The following SYTL5 variants were observed in gnomAD, a reference collection of about 807,000 sequenced individuals.
SYTL5 encodes synaptotagmin-like protein 5.
In SYTL5, 34 loss-of-function variants were observed where a neutral mutation model predicts 55.9. That is an observed-to-expected ratio of 0.61 (90% CI 0.46 to 0.81). The LOEUF (loss-of-function observed/expected upper bound fraction) is 0.81. SYTL5 is among the 30% of genes least tolerant of loss of function. The probability of loss-of-function intolerance (pLI) is 0.00; values close to 1 mark genes in which losing one functional copy is unlikely to be tolerated. For missense variants in SYTL5, 637 were observed against 546.7 expected (o/e 1.17, Z -1.65); for synonymous variants, 221 against 188.7 (o/e 1.17, Z -1.40).
chrX:38,096,307 C>T, intron 9 of SYTL5, 73 bp downstream of exon 9: 1 of 583,159 alleles, frequency 1.7e-6, no homozygotes, highest in Non-Finnish European at 2.8e-6. Context: ...AGTGGTTTCA[C>T]TTTTAGGTGA....
intron 1 of SYTL5, among the ~76,000 whole-genome samples, chrX:38,010,436 G>A (rs1286661405): frequency 1.6e-4 from 18 of 111,909 alleles, no homozygotes. Flanking sequence ...GCCATTTGGG[G>A]CAGAACTGAG....
chrX:38,125,577 T>A, intron 16 of SYTL5, 71 bp downstream of exon 16: 1 of 762,141 alleles, frequency 1.3e-6, no homozygotes, highest in Non-Finnish European at 2.0e-6. Flanking sequence ...CTTGCAGATG[T>A]GATGTGCAGT....
chrX:37,990,806 G>A, the SYTL5 span: 1 of 1,161,991 alleles, frequency 8.6e-7, no homozygotes, highest in South Asian at 2.0e-5. Flanking sequence ...AGAGAATCAA[G>A]CAGAGCTGAT....
intron 2 of SYTL5, among the ~76,000 whole-genome samples, chrX:38,046,532 G>A (rs776071736): frequency 3.8e-4 from 42 of 111,474 alleles, no homozygotes; most frequent in Non-Finnish European, 7.0e-4. Context: ...TTTCCCACCA[G>A]GTCCCTCCCA....
chrX:38,078,451 G>T (rs1936444408), intron 6 of SYTL5, among the ~76,000 whole-genome samples: 1 of 109,865 alleles, frequency 9.1e-6, no homozygotes, highest in South Asian at 4.0e-4. Context: ...TAGTAGAGAC[G>T]GAGTTTCACC....
At chrX:38,033,233 A>G (rs942841144) in intron 1 of SYTL5, among the ~76,000 whole-genome samples, 5 of 111,167 alleles carry the variant, frequency 4.5e-5, no homozygotes, top group African/African-American at 1.6e-4. Context: ...CAAAGTGGTG[A>G]CCCAATTCAC....
chrX:38,074,448 A>T lies in SYTL5; in HGVS notation c.554+750A>T, dbSNP rs73467415. 2.2e-3 allele frequency among the ~76,000 whole-genome samples: 242 copies of T among 111,084 alleles called. 1 individual carries two copies. The highest frequency in any genetic ancestry group is 7.7e-3 in the African/African-American group (235 of 30,526). On this transcript the variant is annotated intron_variant, in intron 5 of 16. Coordinates refer to ENST00000297875, the MANE Select transcript of SYTL5 (RefSeq NM_138780.3). ...TTTATTATTATTGAGATGGGGTCTC[A>T]TTATGTTGCCTGAGCTGGCCTTGAA...
At chrX:37,988,468 T>C in the SYTL5 span, among the ~76,000 whole-genome samples, 1 of 112,574 alleles carries the variant, frequency 8.9e-6, no homozygotes, top group Non-Finnish European at 1.9e-5. Context: ...GTTTGGTCCC[T>C]GGAAGTGGGT....
chrX:37,960,568 A>G, the SYTL5 span, among the ~76,000 whole-genome samples: 1 of 110,875 alleles, frequency 9.0e-6, no homozygotes, highest in Non-Finnish European at 1.9e-5. Context: ...CTTTAGTTCC[A>G]TATGATACCT....
At chrX:37,988,874 AT>A in the SYTL5 span, among the ~76,000 whole-genome samples, 5 of 112,206 alleles carry the variant, frequency 4.5e-5, no homozygotes, top group Admixed American at 4.7e-4. Context: ...GAACTTGAAT[AT>A]TTAGCTGAGC....
intron 2 of SYTL5, among the ~76,000 whole-genome samples, chrX:38,047,400 G>A (rs911737459): frequency 1.8e-5 from 2 of 113,025 alleles, no homozygotes; most frequent in Admixed American, 1.9e-4. Context: ...GCAAAGGCTT[G>A]GGGCTTGCAC....
chrX:37,920,271 C>A, the SYTL5 span, among the ~76,000 whole-genome samples: 1 of 110,699 alleles, frequency 9.0e-6, no homozygotes, highest in Admixed American at 9.6e-5. Flanking sequence ...TGTATTTTAC[C>A]AAAAATATTT....
chrX:37,947,138 G>C, the SYTL5 span, among the ~76,000 whole-genome samples: 4 of 110,857 alleles, frequency 3.6e-5, no homozygotes, highest in Non-Finnish European at 7.6e-5. Context: ...CAAATTGATT[G>C]TCTTCATATT....
chrX:37,968,039 CTTTA>C, the SYTL5 span, among the ~76,000 whole-genome samples: 54 of 109,987 alleles, frequency 4.9e-4, no homozygotes, highest in Non-Finnish European at 8.5e-4. Flanking sequence ...GAAATTCTCA[CTTTA>C]TTTATGCATT....
the SYTL5 span, among the ~76,000 whole-genome samples, chrX:37,980,001 C>T: frequency 5.5e-5 from 6 of 110,075 alleles, no homozygotes; most frequent in South Asian, 2.0e-3. Context: ...TATTCCCCTT[C>T]CTGTGTCCAT....
the SYTL5 span, among the ~76,000 whole-genome samples, chrX:37,950,766 A>G: frequency 9.0e-6 from 1 of 111,728 alleles, no homozygotes; most frequent in East Asian, 2.8e-4. Flanking sequence ...TTTTTGACCA[A>G]ATTAAATAAG....
chrX:38,030,495 C>G (rs1221143877), intron 1 of SYTL5, among the ~76,000 whole-genome samples: 1 of 111,826 alleles, frequency 8.9e-6, no homozygotes, highest in Non-Finnish European at 1.9e-5. Context: ...TTTAAAAAGT[C>G]CTTTTAAATC....
At chrX:38,075,436 G>C (rs1467533524) in intron 5 of SYTL5, among the ~76,000 whole-genome samples, 1 of 111,623 alleles carries the variant, frequency 9.0e-6, no homozygotes, top group Non-Finnish European at 1.9e-5. Flanking sequence ...ATATAAATAA[G>C]CAGGTGGACA....
At chrX:38,083,098 G>A (rs2147470913) in intron 6 of SYTL5, among the ~76,000 whole-genome samples, 1 of 111,942 alleles carries the variant, frequency 8.9e-6, no homozygotes, top group East Asian at 2.8e-4. Context: ...GTCTATGGGG[G>A]AAGGTAGTTG....
Sources: allele counts gnomAD v4.1 joint callset (sites outside exome capture counted in the v4.1 genomes callset), GRCh38; gene constraint gnomAD v4.1.1; transcripts MANE v1.5; gene names NCBI Gene and HGNC (gene_info 2026-07-23, HGNC 2026-07-21).